Variants in DMD observed in about 807,000 individuals in gnomAD.
DMD encodes the protein dystrophin, also known as mutant dystrophin.
DMD carries 63 observed loss-of-function variants against 330.1 expected under a neutral mutation model. The observed-to-expected ratio is 0.19, with a 90% CI of 0.16 to 0.24. DMD has a LOEUF of 0.24. Among genes scored for constraint, DMD ranks in the 10% least tolerant of loss-of-function variants. The pLI is 1.00. For synonymous variants in DMD, 1,223 were observed against 959.8 expected, an observed-to-expected ratio of 1.27 and a Z score of -5.07; for missense variants, 3,344 against 2,684.1, an observed-to-expected ratio of 1.25 and a Z score of -5.43.
chrX:31,872,978 C>T (rs1036117988), intron 48 of DMD, among the ~76,000 whole-genome samples: 1 of 110,797 alleles, frequency 9.0e-6, no homozygotes, highest in Non-Finnish European at 1.9e-5. Flanking sequence ...GTGTTTTGTA[C>T]GCACCCAGTC....
intron 73 of DMD, among the ~76,000 whole-genome samples, chrX:31,170,781 A>T (rs1035929696): frequency 6.3e-5 from 7 of 111,869 alleles, no homozygotes; most frequent in African/African-American, 1.9e-4. Flanking sequence ...TTGCCATCCA[A>T]CATTGAGTCA....
At chrX:32,656,420 C>A (rs991442346) in intron 9 of DMD, among the ~76,000 whole-genome samples, 1 of 111,762 alleles carries the variant, frequency 8.9e-6, no homozygotes, top group African/African-American at 3.3e-5. Flanking sequence ...AGAAGTAAGT[C>A]TGAAAGAGAA....
At chrX:31,366,928 T>G (rs1452379692) in intron 60 of DMD, among the ~76,000 whole-genome samples, 1 of 110,989 alleles carries the variant, frequency 9.0e-6, no homozygotes, top group African/African-American at 3.3e-5. Context: ...TCCATATCTC[T>G]AAATTAGGGG....
At chrX:32,582,082 T>C (rs1453001119) in intron 13 of DMD, among the ~76,000 whole-genome samples, 4 of 111,799 alleles carry the variant, frequency 3.6e-5, no homozygotes, top group Non-Finnish European at 5.6e-5. Flanking sequence ...AATGATTATT[T>C]ATTAAAGTTC....
intron 9 of DMD, among the ~76,000 whole-genome samples, chrX:32,691,651 T>A (rs1002982648): frequency 7.2e-5 from 8 of 111,317 alleles, no homozygotes; most frequent in African/African-American, 2.6e-4. Flanking sequence ...CAATCTCACT[T>A]TTGGATATTT....
At chrX:31,188,909 C>T (rs944634694) in intron 67 of DMD, among the ~76,000 whole-genome samples, 5 of 111,719 alleles carry the variant, frequency 4.5e-5, no homozygotes, top group African/African-American at 1.6e-4. Flanking sequence ...TTCTCAATAT[C>T]TGGAATTTCT....
intron 44 of DMD, among the ~76,000 whole-genome samples, chrX:32,200,454 CAA>C (rs1491577946): frequency 9.0e-6 from 1 of 110,885 alleles, no homozygotes; most frequent in Non-Finnish European, 1.9e-5. Context: ...ACACATGTAA[CAA>C]TACATATGTA....
chrX:32,140,943 T>C, intron 44 of DMD, among the ~76,000 whole-genome samples: 1 of 111,035 alleles, frequency 9.0e-6, no homozygotes, highest in Admixed American at 9.6e-5. Context: ...AAGCAAGGCA[T>C]TTTCACCACC....
At chrX:32,500,687 C>A (rs890347858) in intron 19 of DMD, among the ~76,000 whole-genome samples, 2 of 111,690 alleles carry the variant, frequency 1.8e-5, no homozygotes, top group African/African-American at 6.5e-5. Flanking sequence ...AAATAAAAAT[C>A]TACTGGTATT....
In DMD at chrX:32,829,377, G is replaced by C. The variant is rs769883402; in HGVS notation, c.265-5990C>G. On this transcript the variant is annotated intron_variant, in intron 4 of 78. Coordinates refer to ENST00000357033, the MANE Select transcript of DMD (RefSeq NM_004006.3). ...AATTTTAGTGATTTGTATTGTACGA[G>C]AAAATCAAGTTTTCCAGAATTTTGC... is the stretch of plus-strand genomic sequence containing the variant. 4.1e-4 allele frequency among the ~76,000 whole-genome samples: 46 copies of C among 111,414 alleles called. No individual in the cohort carries two copies. In the South Asian group the frequency reaches 0.016, roughly 40 times the overall value.
intron 1 of DMD, among the ~76,000 whole-genome samples, chrX:33,201,258 T>A (rs1603413138): frequency 9.0e-6 from 1 of 111,374 alleles, no homozygotes; most frequent in Non-Finnish European, 1.9e-5. Flanking sequence ...TAATTTGAAA[T>A]AAATTATTGG....
intron 67 of DMD, among the ~76,000 whole-genome samples, chrX:31,200,958 A>T (rs2043370802): frequency 8.9e-6 from 1 of 112,022 alleles, no homozygotes; most frequent in Admixed American, 9.5e-5. Context: ...AGAAAATAAA[A>T]ATAGTACAGA....
At chrX:31,348,476 A>C in intron 61 of DMD, 80 bp downstream of exon 61, 1 of 857,944 alleles carries the variant, frequency 1.2e-6, no homozygotes, top group Non-Finnish European at 1.7e-6. Flanking sequence ...TTCAACTCTT[A>C]ATTCTTTTGT....
chrX:32,068,468 T>C (rs1452174617), intron 44 of DMD, among the ~76,000 whole-genome samples: 1 of 108,819 alleles, frequency 9.2e-6, no homozygotes, highest in Non-Finnish European at 1.9e-5. Flanking sequence ...TCCCAGATTT[T>C]ATTCTAGGAT....
intron 50 of DMD, among the ~76,000 whole-genome samples, chrX:31,786,942 A>G (rs2091332914): frequency 8.9e-6 from 1 of 112,242 alleles, no homozygotes; most frequent in Non-Finnish European, 1.9e-5. Context: ...TTCTGTGTGC[A>G]ACTTTTTGTC....
intron 49 of DMD, among the ~76,000 whole-genome samples, chrX:31,832,322 A>G (rs763675908): frequency 1.8e-5 from 2 of 112,102 alleles, no homozygotes; most frequent in East Asian, 5.6e-4. Flanking sequence ...CAAAAAATAA[A>G]CCCTAAGGAA....
chrX:33,235,486 GT>G (rs1184433554), intron 1 of DMD, among the ~76,000 whole-genome samples: 1 of 112,084 alleles, frequency 8.9e-6, no homozygotes, highest in African/African-American at 3.2e-5. Flanking sequence ...AGTGTATAGC[GT>G]TTAGGGGTAT....
At chrX:32,388,450 T>C (rs1419794781) in intron 32 of DMD, among the ~76,000 whole-genome samples, 2 of 107,990 alleles carry the variant, frequency 1.9e-5, no homozygotes, top group African/African-American at 6.8e-5. Flanking sequence ...TCCAAGTTTC[T>C]TTTTGGGGGT....
chrX:33,042,243 C>G, intron 1 of DMD, among the ~76,000 whole-genome samples: 1 of 111,890 alleles, frequency 8.9e-6, no homozygotes. Flanking sequence ...AAGTACAAGA[C>G]TGTGAGGCAT....
Sources: allele counts gnomAD v4.1 joint callset (sites outside exome capture counted in the v4.1 genomes callset), GRCh38; gene constraint gnomAD v4.1.1; transcripts MANE v1.5; gene names NCBI Gene and HGNC (gene_info 2026-07-23, HGNC 2026-07-21).